Variants in PRH1 observed in about 807,000 individuals in gnomAD.
The protein encoded by PRH1 is proline rich protein HaeIII subfamily 1.
In PRH1, 7 loss-of-function variants were observed where a neutral mutation model predicts 7.9. That is an observed-to-expected ratio of 0.89 (90% confidence interval 0.50 to 1.67). PRH1 has a LOEUF of 1.67. Ranked by LOEUF, PRH1 falls within the 40% of genes most tolerant of loss-of-function variation. The pLI, the probability that PRH1 is intolerant of heterozygous loss-of-function variation, is 0.00. For missense variants in PRH1, 109 were observed against 223.6 expected (o/e 0.49, Z 3.27); for synonymous variants, 45 against 80.8 (o/e 0.56, Z 2.38).
At chr12:11,131,645 T>C (rs1318171593) in intron 1 of PRH1, among the ~76,000 whole-genome samples, 1 of 132,710 alleles carries the variant, frequency 7.5e-6, no homozygotes, top group Non-Finnish European at 1.7e-5. Context: ...GCATCTAATT[T>C]TGATGTTCTA....
downstream of PRH1, among the ~76,000 whole-genome samples, chr12:11,119,316 CAA>C (rs67638054): frequency 3.9e-4 from 57 of 147,540 alleles, no homozygotes; most frequent in Non-Finnish European, 4.2e-4. Flanking sequence ...TAATGGCTAC[CAA>C]AAAAAAAAAA....
chr12:10,962,742 T>C (rs748704137), intron 2 of PRH1, among the ~76,000 whole-genome samples: 2 of 152,232 alleles, frequency 1.3e-5, no homozygotes, highest in Non-Finnish European at 2.9e-5. Context: ...CAGTCAACAA[T>C]AAGCAAGGTC....
intron 1 of PRH1, among the ~76,000 whole-genome samples, chr12:11,147,954 T>C (rs1227534506): frequency 6.7e-6 from 1 of 149,488 alleles, no homozygotes; most frequent in African/African-American, 2.4e-5. Flanking sequence ...GTATCCTCTT[T>C]TATTTCATTG....
intron 1 of PRH1, among the ~76,000 whole-genome samples, chr12:11,019,013 A>G (rs535338731): frequency 2.9e-3 from 442 of 152,316 alleles, no homozygotes; most frequent in African/African-American, 9.8e-3. Flanking sequence ...TAAATTAAAA[A>G]AAAACTATCT....
chr12:10,907,513 A>ATG (rs10566346), intron 2 of PRH1, among the ~76,000 whole-genome samples: 216 of 150,522 alleles, frequency 1.4e-3, no homozygotes, highest in African/African-American at 4.0e-3. Context: ...CTATAACTGT[A>ATG]TGTGTGTGTG....
chr12:10,967,471 C>T (rs1340198376), intron 2 of PRH1, among the ~76,000 whole-genome samples: 1 of 152,190 alleles, frequency 6.6e-6, no homozygotes, highest in Non-Finnish European at 1.5e-5. Context: ...AGGTCCACCT[C>T]CATGCTGCTT....
rs750282978 is a variant in PRH1, at chr12:11,030,619, G to A, written c.-126+16401C>T. The A allele has an allele frequency of 2.4e-5, 39 of 1,614,042 alleles. No individual in the cohort carries two copies. In the Admixed American group the frequency reaches 6.0e-4, roughly 25 times the overall value. On this transcript the variant is annotated intron_variant, in intron 1 of 3. Coordinates refer to the PRH1 transcript ENST00000539853. ...ATATCATTATGGACAGAAAGTAAAC[G>A]GCACATAACAAGAGGAAAAAGATCA...
chr12:10,919,172 C>T (rs941393941), intron 2 of PRH1, among the ~76,000 whole-genome samples: 3 of 152,102 alleles, frequency 2.0e-5, no homozygotes, highest in Non-Finnish European at 4.4e-5. Context: ...TTTCAAATTG[C>T]AATATTGTTG....
chr12:11,024,879 T>G (rs918225765), intron 1 of PRH1, among the ~76,000 whole-genome samples: 1 of 152,248 alleles, frequency 6.6e-6, no homozygotes, highest in Non-Finnish European at 1.5e-5. Context: ...TTGACTAAAT[T>G]TATTCCTGTT....
At chr12:10,945,290 G>A (rs777267986) in intron 2 of PRH1, among the ~76,000 whole-genome samples, 4 of 152,022 alleles carry the variant, frequency 2.6e-5, no homozygotes, top group South Asian at 2.1e-4. Flanking sequence ...TGGGAGTATC[G>A]GGTGAAATTC....
At chr12:10,894,751 T>TTA (rs1289506848) in intron 2 of PRH1, among the ~76,000 whole-genome samples, 18 of 152,228 alleles carry the variant, frequency 1.2e-4, no homozygotes, top group African/African-American at 4.1e-4. Flanking sequence ...AAATACATAA[T>TTA]CTCCATATAT....
intron 2 of PRH1, among the ~76,000 whole-genome samples, chr12:10,892,679 A>T (rs1051547539): frequency 2.6e-5 from 4 of 152,180 alleles, no homozygotes; most frequent in African/African-American, 9.7e-5. Flanking sequence ...TAAATAGAAG[A>T]CTGCCATAAA....
chr12:11,007,762 C>T (rs1323585156), intron 1 of PRH1, among the ~76,000 whole-genome samples: 1 of 152,076 alleles, frequency 6.6e-6, no homozygotes, highest in Non-Finnish European at 1.5e-5. Flanking sequence ...CACTAGTACA[C>T]CATTCCCAGA....
chr12:11,012,109 A>C (rs1311466493), intron 1 of PRH1, among the ~76,000 whole-genome samples: 3 of 152,138 alleles, frequency 2.0e-5, no homozygotes, highest in Admixed American at 2.0e-4. Flanking sequence ...GGCACTTAAA[A>C]AACATGTGTA....
intron 2 of PRH1, among the ~76,000 whole-genome samples, chr12:10,953,158 G>A (rs1270565660): frequency 1.3e-5 from 2 of 151,754 alleles, no homozygotes; most frequent in African/African-American, 4.8e-5. Flanking sequence ...TTCGAAGACT[G>A]AAGAATATCA....
intron 1 of PRH1, among the ~76,000 whole-genome samples, chr12:11,036,066 T>G (rs1353086798): frequency 6.6e-6 from 1 of 152,168 alleles, no homozygotes; most frequent in African/African-American, 2.4e-5. Flanking sequence ...GCTAATTTTT[T>G]GTATTTTTAG....
At chr12:11,166,803 TA>T (rs1441317547) in intron 1 of PRH1, among the ~76,000 whole-genome samples, 3 of 152,208 alleles carry the variant, frequency 2.0e-5, no homozygotes, top group Admixed American at 2.0e-4. Context: ...GTATTTGTCT[TA>T]CTAAGCTAAA....
intron 1 of PRH1, among the ~76,000 whole-genome samples, chr12:11,146,269 A>G (rs962983503): frequency 8.6e-6 from 1 of 115,826 alleles, no homozygotes; most frequent in Admixed American, 8.6e-5. Context: ...TCTTCTAGGT[A>G]GTTTTTTTAC....
At chr12:11,148,020 C>T (rs7974009) in intron 1 of PRH1, among the ~76,000 whole-genome samples, 99,263 of 136,580 alleles carry the variant, frequency 0.73, 38,185 homozygotes, top group East Asian at 0.95. Flanking sequence ...GTAAGTTGGA[C>T]TCCTAGGTAT....
Sources: allele counts gnomAD v4.1 joint callset (sites outside exome capture counted in the v4.1 genomes callset), GRCh38; gene constraint gnomAD v4.1.1; transcripts MANE v1.5; gene names NCBI Gene and HGNC (gene_info 2026-07-23, HGNC 2026-07-21).